Variants in CEP162 observed in about 807,000 individuals in gnomAD.
CEP162 encodes centrosomal protein of 162 kDa.
A neutral mutation model predicts 169.2 loss-of-function variants in CEP162; 141 were observed. The ratio of observed to expected loss-of-function variants is 0.83; its 90% CI spans 0.73 to 0.96. The LOEUF (loss-of-function observed/expected upper bound fraction) is 0.96. Ranked by LOEUF, CEP162 falls within the 40% of genes least tolerant of loss-of-function variation. The pLI is 0.00. For missense variants in CEP162, 1,600 were observed against 1,587.2 expected (o/e 1.01, Z -0.14); for synonymous variants, 540 against 526.4 (o/e 1.03, Z -0.35).
rs1019256862 is a variant in CEP162 at position 84,186,449 on chromosome 6, T to C, written c.1284A>G (p.Pro428=). ...CTGTGGCAGTTACTTCAGTTACTTG[T>C]GGACAGCTGTTTTCCATACTCTCAT... ...TTNESMENSC[P]QVTEVTATEE... Residue 428 remains proline (P), a synonymous_variant, in exon 12 of 27, where the codon CCA becomes CCG. Coordinates refer to ENST00000403245, the MANE Select transcript of CEP162 (RefSeq NM_014895.4). 1 of 1,612,488 alleles carries C rather than the reference T, an allele frequency of 6.2e-7. No homozygotes were observed. The highest frequency in any genetic ancestry group is 1.3e-5 in the African/African-American group (1 of 74,906).
rs147697726 is a variant in CEP162, at chr6:84,177,680, C to T, written c.1664-2333G>A. On this transcript the variant is annotated intron_variant, in intron 13 of 26. Transcript: ENST00000403245. Reference sequence around the variant, plus strand: ...CCTCCCAAGTAGCTGGGATTACAAGCGTCTGCCACCATGTCCAGCAAATTT... The same window carrying T: ...CCTCCCAAGTAGCTGGGATTACAAGTGTCTGCCACCATGTCCAGCAAATTT... Among the ~76,000 whole-genome samples the T allele has an allele frequency of 4.6e-3, 695 of 152,226 alleles. 8 individuals carry two copies. Among genetic ancestry groups the T allele is most frequent in the African/African-American group, 0.016 (662 of 41,550 alleles).
intron 6 of CEP162, among the ~76,000 whole-genome samples, chr6:84,208,465 G>C (rs1161768450): frequency 6.6e-6 from 1 of 152,182 alleles, no homozygotes; most frequent in African/African-American, 2.4e-5. Flanking sequence ...AGGTACTAGA[G>C]TCTACTTCTG....
chr6:84,161,893 T>C lies in CEP162; in HGVS notation c.2529A>G (p.Glu843=), dbSNP rs200004583. 2 of 1,534,214 alleles carry C rather than the reference T, an allele frequency of 1.3e-6. No homozygotes were observed. The highest frequency in any genetic ancestry group is 1.8e-6 in the Non-Finnish European group (2 of 1,125,206). ...IAYVTGEKLY[E]IKILEETHKQ... ...TATGTGTTTCTTCTAAAATTTTTATTTCATATAATTTCTCACCTATAAGAT... is the reference window on the plus strand; with the variant it reads ...TATGTGTTTCTTCTAAAATTTTTATCTCATATAATTTCTCACCTATAAGAT... Residue 843 remains glutamate, a synonymous_variant, in exon 20 of 27, where the codon GAA becomes GAG. Transcript: ENST00000403245.
chr6:84,183,960 T>C (rs1006281747), intron 13 of CEP162, among the ~76,000 whole-genome samples: 1 of 152,264 alleles, frequency 6.6e-6, no homozygotes, highest in East Asian at 1.9e-4. Flanking sequence ...CATCTAATGA[T>C]ACTGCTTTCT....
intron 11 of CEP162, among the ~76,000 whole-genome samples, chr6:84,190,948 T>C (rs2099539627): frequency 6.6e-6 from 1 of 152,206 alleles, no homozygotes; most frequent in Admixed American, 6.5e-5. Flanking sequence ...CCCAAAGTGC[T>C]GGGATTACAG....
intron 25 of CEP162, among the ~76,000 whole-genome samples, chr6:84,134,175 C>T (rs370720101): frequency 6.6e-6 from 1 of 152,198 alleles, no homozygotes; most frequent in Non-Finnish European, 1.5e-5. Context: ...AAACTGCTTA[C>T]TCAAGCCTCA....
At chr6:84,134,396 A>G (rs2099512992) in intron 25 of CEP162, among the ~76,000 whole-genome samples, 2 of 152,122 alleles carry the variant, frequency 1.3e-5, no homozygotes, top group Admixed American at 1.3e-4. Context: ...TGTGGTATGA[A>G]AAAAAACTCC....
intron 19 of CEP162, 68 bp downstream of exon 19, chr6:84,163,076 T>G: frequency 6.9e-7 from 1 of 1,458,814 alleles, no homozygotes; most frequent in Non-Finnish European, 9.4e-7. Flanking sequence ...ATTCAATTTC[T>G]ATTACTTAAA....
At chr6:84,198,865 G>A (rs1019680007) in intron 9 of CEP162, among the ~76,000 whole-genome samples, 2 of 152,184 alleles carry the variant, frequency 1.3e-5, no homozygotes, top group Admixed American at 6.5e-5. Context: ...AGCTGGTTAA[G>A]TGGCAAGCTT....
intron 3 of CEP162, among the ~76,000 whole-genome samples, chr6:84,220,169 A>AG (rs989833664): frequency 2.6e-5 from 4 of 151,924 alleles, no homozygotes; most frequent in African/African-American, 9.7e-5. Flanking sequence ...TTTCATGGGG[A>AG]GGGGGGGAAA....
At chr6:84,177,964 T>C (rs1422160561) in intron 13 of CEP162, among the ~76,000 whole-genome samples, 2 of 152,186 alleles carry the variant, frequency 1.3e-5, no homozygotes, top group African/African-American at 2.4e-5. Flanking sequence ...AATAATTGTA[T>C]TGAATTAACA....
chr6:84,189,890 C>G (rs1399042412), intron 11 of CEP162, among the ~76,000 whole-genome samples: 2 of 152,186 alleles, frequency 1.3e-5, no homozygotes, highest in Non-Finnish European at 2.9e-5. Flanking sequence ...GTAAATACAC[C>G]AATCAGCACC....
intron 13 of CEP162, among the ~76,000 whole-genome samples, chr6:84,176,916 C>G (rs73750537): frequency 0.064 from 9,710 of 151,324 alleles, 1,005 homozygotes; most frequent in African/African-American, 0.22. Flanking sequence ...GAGACAGAGT[C>G]TCGCTCTGTT....
At chr6:84,125,650 C>T (rs1007773598) in intron 26 of CEP162, among the ~76,000 whole-genome samples, 16 of 152,038 alleles carry the variant, frequency 1.1e-4, no homozygotes, top group African/African-American at 3.9e-4. Flanking sequence ...AGTGATCTCT[C>T]GCCCCTCTTC....
intron 22 of CEP162, among the ~76,000 whole-genome samples, chr6:84,153,407 G>A (rs1206478572): frequency 6.6e-6 from 1 of 152,032 alleles, no homozygotes; most frequent in African/African-American, 2.4e-5. Flanking sequence ...TAATTGATAT[G>A]TTGCTTCATA....
At position 84,219,079 on chromosome 6, in the gene CEP162, C is replaced by T; in HGVS notation, c.172+1978G>A. On this transcript the variant is annotated intron_variant, in intron 3 of 26. Transcript: ENST00000403245. ...AAGCAAAATTATAATGTAAAAGCCG[C>T]TCACTGTTAATGTTTAATGGTACCT... is the stretch of plus-strand genomic sequence containing the variant. 7.5e-6 allele frequency: 6 copies of T among 804,726 alleles called. No individual in the cohort carries two copies. The South Asian group carries it at 8.5e-5, about 11-fold the overall frequency. 49.8% of individuals were successfully genotyped at this position (804,726 alleles called of 1,614,324 possible).
At chr6:84,177,379 A>G (rs1208906536) in intron 13 of CEP162, among the ~76,000 whole-genome samples, 1 of 151,770 alleles carries the variant, frequency 6.6e-6, no homozygotes, top group Admixed American at 6.6e-5. Flanking sequence ...CATTTCAGAG[A>G]CTTGGAAACT....
At chr6:84,188,103 C>CAAA (rs200434055) in intron 11 of CEP162, among the ~76,000 whole-genome samples, 18 of 80,558 alleles carry the variant, frequency 2.2e-4, no homozygotes, top group East Asian at 8.4e-4. Flanking sequence ...GACTCCGTCT[C>CAAA]AAAAAAAAAA....
chr6:84,194,651 A>G (rs1268787048), intron 10 of CEP162, among the ~76,000 whole-genome samples: 1 of 151,892 alleles, frequency 6.6e-6, no homozygotes, highest in Non-Finnish European at 1.5e-5. Context: ...ATGGGGTTTC[A>G]CCATGTTGCC....
Sources: allele counts gnomAD v4.1 joint callset (sites outside exome capture counted in the v4.1 genomes callset), GRCh38; gene constraint gnomAD v4.1.1; transcripts MANE v1.5; gene names NCBI Gene and HGNC (gene_info 2026-07-23, HGNC 2026-07-21).